The following FOXN3 variants were observed in gnomAD, a reference collection of about 807,000 sequenced individuals.
FOXN3 encodes forkhead box N3, also known as forkhead box protein N3.
FOXN3 carries 7 observed loss-of-function variants against 38.4 expected under a neutral mutation model. The ratio of observed to expected loss-of-function variants is 0.18; its 90% CI spans 0.10 to 0.34. FOXN3 has a LOEUF of 0.34. Ranked by LOEUF, FOXN3 falls within the 10% of genes least tolerant of loss-of-function variation. The probability of loss-of-function intolerance (pLI) is 1.00; values close to 1 mark genes in which losing one functional copy is unlikely to be tolerated. For missense variants in FOXN3, 456 were observed against 613.4 expected (o/e 0.74, Z 2.71); for synonymous variants, 230 against 242.2 (o/e 0.95, Z 0.47).
At chr14:89,464,927 A>G (rs975107166) in intron 1 of FOXN3, among the ~76,000 whole-genome samples, 4 of 151,986 alleles carry the variant, frequency 2.6e-5, no homozygotes, top group Non-Finnish European at 5.9e-5. Context: ...CGAACACCTG[A>G]CCTCGTGATA....
chr14:89,393,258 A>G (rs1891006920), intron 2 of FOXN3, among the ~76,000 whole-genome samples: 1 of 152,134 alleles, frequency 6.6e-6, no homozygotes, highest in Non-Finnish European at 1.5e-5. Flanking sequence ...TTCTTTTTAT[A>G]AGAATGCCAG....
intron 1 of FOXN3, among the ~76,000 whole-genome samples, chr14:89,612,954 C>T (rs1285325244): frequency 6.6e-6 from 1 of 151,822 alleles, no homozygotes; most frequent in Non-Finnish European, 1.5e-5. Context: ...CCCATCTCTA[C>T]TAAAAATACA....
At chr14:89,271,945 A>G (rs1886160537) in intron 4 of FOXN3, among the ~76,000 whole-genome samples, 1 of 152,260 alleles carries the variant, frequency 6.6e-6, no homozygotes, top group Non-Finnish European at 1.5e-5. Flanking sequence ...GAGCAGAACA[A>G]TTGCTTCAGG....
intron 1 of FOXN3, among the ~76,000 whole-genome samples, chr14:89,447,167 G>A (rs1892519084): frequency 6.7e-6 from 1 of 149,258 alleles, no homozygotes; most frequent in Non-Finnish European, 1.5e-5. Flanking sequence ...TTGCACTCCA[G>A]CCTGGACAAC....
chr14:89,547,825 A>G (rs1327609738), intron 1 of FOXN3, among the ~76,000 whole-genome samples: 1 of 152,190 alleles, frequency 6.6e-6, no homozygotes, highest in Non-Finnish European at 1.5e-5. Context: ...TGATTATTTA[A>G]ATAATGCCTA....
chr14:89,208,255 G>A (rs972648551), intron 4 of FOXN3, among the ~76,000 whole-genome samples: 1 of 152,218 alleles, frequency 6.6e-6, no homozygotes, highest in African/African-American at 2.4e-5. Context: ...GCGTGACAAT[G>A]ATGGGCAGCC....
At chr14:89,211,723 C>A (rs1268528310) in intron 4 of FOXN3, among the ~76,000 whole-genome samples, 3 of 152,140 alleles carry the variant, frequency 2.0e-5, no homozygotes, top group Non-Finnish European at 4.4e-5. Context: ...TGAGTCTCAC[C>A]CCAGAGAGCA....
chr14:89,558,684 G>A (rs1229232863), intron 1 of FOXN3, among the ~76,000 whole-genome samples: 3 of 152,222 alleles, frequency 2.0e-5, no homozygotes, highest in South Asian at 2.1e-4. Flanking sequence ...CCTTGGGCAG[G>A]CCCCACCCCT....
At chr14:89,289,138 T>G (rs868829724) in intron 3 of FOXN3, among the ~76,000 whole-genome samples, 2 of 143,962 alleles carry the variant, frequency 1.4e-5, no homozygotes, top group African/African-American at 2.6e-5. Context: ...GACGAGATCA[T>G]GCCACTGTAC....
chr14:89,592,184 A>T (rs544191831), intron 1 of FOXN3, among the ~76,000 whole-genome samples: 41 of 152,190 alleles, frequency 2.7e-4, no homozygotes, highest in Admixed American at 1.3e-3. Flanking sequence ...TAAGACAAAA[A>T]GATGATTAAG....
chr14:89,474,569 C>T lies in FOXN3; in HGVS notation c.-14-62079G>A, dbSNP rs17125913. 7.9e-3 allele frequency among the ~76,000 whole-genome samples: 1,200 copies of T among 152,264 alleles called. 19 individuals are homozygous for T. Among genetic ancestry groups the T allele is most frequent in the African/African-American group, 0.028 (1,147 of 41,556 alleles). ...GCAATGCAAATTGAATAATAAGAAT[C>T]GTCAGGACAGTTCAGTGATAAGCTA... On this transcript the variant is annotated intron_variant, in intron 1 of 6. Transcript: ENST00000345097.
At chr14:89,511,227 C>CT (rs1249646985) in intron 1 of FOXN3, among the ~76,000 whole-genome samples, 3 of 15,810 alleles carry the variant, frequency 1.9e-4, no homozygotes, top group African/African-American at 3.6e-4. Flanking sequence ...TTCTTTCTTT[C>CT]TTTTCTTTCC....
chr14:89,549,813 A>G lies in FOXN3; in HGVS notation c.-15+69215T>C, dbSNP rs1484150701. Among the ~76,000 whole-genome samples the G allele has an allele frequency of 1.4e-4, 21 of 152,282 alleles. No individual in the cohort carries two copies. In the East Asian group the frequency reaches 4.1e-3, roughly 29 times the overall value. ...GCGAGCTCCCTGCCCTTTGATCTGG[A>G]TGGAGCCAGTGTTACAAATATGCTT... On this transcript the variant is annotated intron_variant, in intron 1 of 6. Coordinates refer to the FOXN3 transcript ENST00000345097.
chr14:89,471,810 C>T (rs1176829849), intron 1 of FOXN3, among the ~76,000 whole-genome samples: 1 of 151,960 alleles, frequency 6.6e-6, no homozygotes, highest in Non-Finnish European at 1.5e-5. Context: ...TACTGGACAA[C>T]TTTAGGAACC....
intron 4 of FOXN3, among the ~76,000 whole-genome samples, chr14:89,280,471 G>A (rs1469484174): frequency 1.3e-5 from 2 of 152,040 alleles, no homozygotes; most frequent in East Asian, 1.9e-4. Flanking sequence ...AACAAACCAC[G>A]GCCAACCTTC....
chr14:89,364,785 A>G (rs2140048517), intron 2 of FOXN3: 1 of 152,344 alleles, frequency 6.6e-6, no homozygotes, highest in African/African-American at 2.4e-5. Context: ...AATCCACCTC[A>G]TATACCTCAG....
chr14:89,268,595 C>T (rs1275252506), intron 4 of FOXN3, among the ~76,000 whole-genome samples: 1 of 152,200 alleles, frequency 6.6e-6, no homozygotes, highest in Non-Finnish European at 1.5e-5. Flanking sequence ...CCTGTCTGTG[C>T]GTCTCTGGGC....
At chr14:89,575,187 C>T (rs934901198) in intron 1 of FOXN3, among the ~76,000 whole-genome samples, 2 of 152,194 alleles carry the variant, frequency 1.3e-5, no homozygotes, top group Admixed American at 6.5e-5. Context: ...CCTCACCTTT[C>T]TGCCAACCCA....
rs190047575 is a variant in FOXN3, at chr14:89,248,367, A to G, written c.745+32583T>C. ...CTTAGTATTGTCTCACTTTCCACCAACAGGAGCAAATGATTTATAAAAAAT... is the reference window on the plus strand; with the variant it reads ...CTTAGTATTGTCTCACTTTCCACCAGCAGGAGCAAATGATTTATAAAAAAT... On this transcript the variant is annotated intron_variant, in intron 4 of 5. Coordinates refer to ENST00000557258, the MANE Select transcript of FOXN3 (RefSeq NM_005197.4). 1.1e-4 allele frequency among the ~76,000 whole-genome samples: 17 copies of G among 152,320 alleles called. No individual in the cohort carries two copies. In the East Asian group the frequency reaches 2.9e-3, roughly 26 times the overall value.
Sources: gnomAD v4.1 joint callset for allele counts (sites outside exome capture counted in the v4.1 genomes callset) on GRCh38, gnomAD v4.1.1 for gene constraint, MANE v1.5 for transcripts, NCBI Gene and HGNC (gene_info 2026-07-23, HGNC 2026-07-21) for gene names.